Variants in GRIP1 observed in about 807,000 individuals in gnomAD.
GRIP1 encodes the protein glutamate receptor interacting protein 1, also known as glutamate receptor-interacting protein 1.
Under a neutral mutation model 129.9 loss-of-function variants are expected in GRIP1, and 45 were observed. That is an observed-to-expected ratio of 0.35 (90% confidence interval 0.27 to 0.44). The LOEUF (loss-of-function observed/expected upper bound fraction) is 0.44. GRIP1 is among the 20% of genes least tolerant of loss of function. The pLI is 1.00. For synonymous variants in GRIP1, 530 were observed against 520.8 expected, an observed-to-expected ratio of 1.02 and a Z score of -0.24; for missense variants, 1,196 against 1,396.8, an observed-to-expected ratio of 0.86 and a Z score of 2.29.
At chr12:66,663,025 A>G (rs1473261526) in intron 1 of GRIP1, among the ~76,000 whole-genome samples, 3 of 152,200 alleles carry the variant, frequency 2.0e-5, no homozygotes, top group East Asian at 3.8e-4. Flanking sequence ...CTTGTTTGAC[A>G]GATCAAATTC....
intron 2 of GRIP1, among the ~76,000 whole-genome samples, chr12:66,564,788 G>C: frequency 6.6e-6 from 1 of 152,208 alleles, no homozygotes. Flanking sequence ...TCCAGCACCT[G>C]TTGTTTCCTG....
At chr12:66,586,467 A>T (rs1278874512) in intron 2 of GRIP1, among the ~76,000 whole-genome samples, 1 of 152,010 alleles carries the variant, frequency 6.6e-6, no homozygotes, top group Non-Finnish European at 1.5e-5. Flanking sequence ...CTTGGACCTC[A>T]TCTCAATCTA....
At chr12:66,776,136 C>T (rs2037972295) in intron 1 of GRIP1, among the ~76,000 whole-genome samples, 1 of 152,150 alleles carries the variant, frequency 6.6e-6, no homozygotes, top group Non-Finnish European at 1.5e-5. Context: ...ACCTCAGCAG[C>T]CAGATGCCCA....
intron 1 of GRIP1, among the ~76,000 whole-genome samples, chr12:66,936,643 G>A (rs527295242): frequency 6.6e-6 from 1 of 152,254 alleles, no homozygotes; most frequent in Non-Finnish European, 1.5e-5. Flanking sequence ...TAGTTGGTCA[G>A]AAATGCAGGT....
chr12:66,638,059 A>C (rs977442665), intron 1 of GRIP1, among the ~76,000 whole-genome samples: 1 of 152,184 alleles, frequency 6.6e-6, no homozygotes. Context: ...GGCCATTTAG[A>C]TATATGCCAC....
At chr12:66,401,070 C>G (rs193178924) in intron 16 of GRIP1, among the ~76,000 whole-genome samples, 3 of 152,104 alleles carry the variant, frequency 2.0e-5, no homozygotes, top group Non-Finnish European at 4.4e-5. Context: ...TAATGGAAGA[C>G]GACAAATGCA....
chr12:66,511,503 C>A (rs1392702528), intron 7 of GRIP1, among the ~76,000 whole-genome samples: 2 of 152,132 alleles, frequency 1.3e-5, no homozygotes, highest in Non-Finnish European at 1.5e-5. Context: ...TGGGAAATTG[C>A]TATTTCTCTG....
At chr12:66,618,311 A>G (rs993130584) in intron 1 of GRIP1, among the ~76,000 whole-genome samples, 4 of 152,184 alleles carry the variant, frequency 2.6e-5, no homozygotes, top group African/African-American at 9.6e-5. Flanking sequence ...ACAGAAAATT[A>G]CGAATATAAA....
intron 1 of GRIP1, among the ~76,000 whole-genome samples, chr12:66,970,222 C>T (rs1734530980): frequency 6.6e-6 from 1 of 152,168 alleles, no homozygotes; most frequent in Admixed American, 6.5e-5. Flanking sequence ...GCTGGGACTA[C>T]AGCCATGCAC....
chr12:66,850,083 C>T (rs1011688360), intron 1 of GRIP1, among the ~76,000 whole-genome samples: 3 of 151,992 alleles, frequency 2.0e-5, no homozygotes, highest in African/African-American at 7.2e-5. Flanking sequence ...ACCCAGAGCA[C>T]ATATAGCTAA....
At chr12:66,558,271 A>G (rs2062401965) in intron 2 of GRIP1, among the ~76,000 whole-genome samples, 1 of 152,174 alleles carries the variant, frequency 6.6e-6, no homozygotes, top group African/African-American at 2.4e-5. Flanking sequence ...GAGACTCACA[A>G]TCATGGAGGA....
rs538070791 is a variant in GRIP1 at position 66,649,058 on chromosome 12, T to G, written c.55+29792A>C. On this transcript the variant is annotated intron_variant, in intron 1 of 24. Coordinates refer to ENST00000359742, the MANE Select transcript of GRIP1 (RefSeq NM_001366722.1). ...GTTAAGCAAAGAAGAAAGTGAACAT[T>G]CTTGTAGTTTAAAAAGCAAGAGGAC... 2.6e-5 allele frequency among the ~76,000 whole-genome samples: 4 copies of G among 152,268 alleles called. No homozygotes were observed. In the East Asian group the frequency reaches 7.7e-4, roughly 29 times the overall value.
In GRIP1 at chr12:66,579,114, T is replaced by G. The variant is rs1392936234; in HGVS notation, c.136+17733A>C. 2.6e-5 allele frequency among the ~76,000 whole-genome samples: 4 copies of G among 152,164 alleles called. No homozygotes were observed. In the East Asian group the frequency reaches 7.7e-4, roughly 29 times the overall value. ...ATTCACGGTTCACGAAAAACCACTGTTCTGCAGACACCGCTGCTGATACCC... is the reference window on the plus strand; with the variant it reads ...ATTCACGGTTCACGAAAAACCACTGGTCTGCAGACACCGCTGCTGATACCC... On this transcript the variant is annotated intron_variant, in intron 2 of 24. Coordinates refer to ENST00000359742, the MANE Select transcript of GRIP1 (RefSeq NM_001366722.1).
At chr12:66,529,982 G>A in intron 4 of GRIP1, 68 bp from the exon 5 acceptor site, 6 of 985,560 alleles carry the variant, frequency 6.1e-6, no homozygotes, top group Non-Finnish European at 9.8e-6. Context: ...ATCATTCAAT[G>A]TGGCATAAAA....
chr12:66,528,552 C>T (rs565394961), intron 5 of GRIP1, among the ~76,000 whole-genome samples: 20 of 152,070 alleles, frequency 1.3e-4, no homozygotes, highest in Admixed American at 9.8e-4. Flanking sequence ...TTAGAATCTT[C>T]GATCCATTTT....
chr12:66,876,774 G>A (rs548469336), intron 1 of GRIP1, among the ~76,000 whole-genome samples: 25 of 152,102 alleles, frequency 1.6e-4, no homozygotes, highest in African/African-American at 6.0e-4. Flanking sequence ...CCACTATTGT[G>A]GGCATTTGGT....
intron 1 of GRIP1, among the ~76,000 whole-genome samples, chr12:67,057,151 T>C (rs2043451055): frequency 1.3e-5 from 2 of 152,070 alleles, no homozygotes; most frequent in African/African-American, 2.4e-5. Context: ...AATTCATACA[T>C]TGAATCCCTA....
intron 11 of GRIP1, among the ~76,000 whole-genome samples, chr12:66,449,079 T>C (rs929801132): frequency 6.6e-6 from 1 of 152,196 alleles, no homozygotes; most frequent in Non-Finnish European, 1.5e-5. Context: ...TTTCTCTGTT[T>C]TATCCAGGCA....
At chr12:67,029,806 T>C (rs1214074773) in intron 1 of GRIP1, among the ~76,000 whole-genome samples, 2 of 152,092 alleles carry the variant, frequency 1.3e-5, no homozygotes, top group African/African-American at 4.8e-5. Context: ...GGTGTTTCTA[T>C]TTTAGTATTT....
Sources: gnomAD v4.1 joint callset for allele counts (sites outside exome capture counted in the v4.1 genomes callset) on GRCh38, gnomAD v4.1.1 for gene constraint, MANE v1.5 for transcripts, NCBI Gene and HGNC (gene_info 2026-07-23, HGNC 2026-07-21) for gene names.